The following TTC39B variants were observed in gnomAD, a reference collection of about 807,000 sequenced individuals.
The protein encoded by TTC39B is tetratricopeptide repeat protein 39B.
Under a neutral mutation model 96.6 loss-of-function variants are expected in TTC39B, and 92 were observed. That is an observed-to-expected ratio of 0.95 (90% CI 0.80 to 1.13). TTC39B has a LOEUF of 1.13. Ranked by LOEUF, TTC39B falls within the 50% of genes most tolerant of loss-of-function variation. The probability of loss-of-function intolerance (pLI) is 0.00; values close to 1 mark genes in which losing one functional copy is unlikely to be tolerated. For missense variants in TTC39B, 955 were observed against 809.3 expected, an observed-to-expected ratio of 1.18 and a Z score of -2.18; for synonymous variants, 367 against 299.4, an observed-to-expected ratio of 1.23 and a Z score of -2.33.
At chr9:15,297,396 C>T (rs1041075103) in intron 1 of TTC39B, among the ~76,000 whole-genome samples, 1 of 152,200 alleles carries the variant, frequency 6.6e-6, no homozygotes, top group Non-Finnish European at 1.5e-5. Context: ...TGCTCTAAGT[C>T]ACACAGCTAG....
intron 14 of TTC39B, 52 bp downstream of exon 14, chr9:15,187,919 C>A: frequency 1.3e-6 from 2 of 1,498,516 alleles, no homozygotes; most frequent in Admixed American, 2.2e-5. Context: ...TGAAAATCAT[C>A]CTGGCCATGT....
chr9:15,212,268 C>G (rs1820244481), intron 4 of TTC39B, among the ~76,000 whole-genome samples: 1 of 151,610 alleles, frequency 6.6e-6, no homozygotes, highest in South Asian at 2.1e-4. Flanking sequence ...TTGTCCTGAA[C>G]ATTGAGGGCA....
intron 1 of TTC39B, among the ~76,000 whole-genome samples, chr9:15,300,987 C>T (rs558418013): frequency 7.5e-4 from 112 of 148,892 alleles, no homozygotes; most frequent in Admixed American, 1.3e-3. Flanking sequence ...GACACAATGA[C>T]TCACGACCCA....
At chr9:15,215,918 G>A (rs373411520) in intron 3 of TTC39B, among the ~76,000 whole-genome samples, 1 of 152,232 alleles carries the variant, frequency 6.6e-6, no homozygotes, top group African/African-American at 2.4e-5. Flanking sequence ...AACTTGGTAA[G>A]TATTTGAAGT....
Position 15,245,030 on chromosome 9 carries a change from A to T in TTC39B, c.276-19018T>A, listed in dbSNP as rs374922704. ...GTTCTCTGGTTGGAGTTTACAACTC[A>T]TAGTATAATTATTGGTCTACTTTTC... On this transcript the variant is annotated intron_variant, in intron 2 of 19. Transcript: ENST00000512701. Among the ~76,000 whole-genome samples, 185 of 152,328 alleles carry T rather than the reference A, an allele frequency of 1.2e-3. 1 individual carries two copies. The highest frequency in any genetic ancestry group is 4.3e-3 in the African/African-American group (178 of 41,568).
At chr9:15,267,790 C>CTT in intron 2 of TTC39B, 124 bp downstream of exon 2, 3 of 749,812 alleles carry the variant, frequency 4.0e-6, no homozygotes, top group East Asian at 2.8e-5. Context: ...AGAAAAGTGA[C>CTT]TTTTTTTTTC....
chr9:15,224,106 C>G (rs907871736), intron 3 of TTC39B, among the ~76,000 whole-genome samples: 2 of 152,170 alleles, frequency 1.3e-5, no homozygotes, highest in African/African-American at 4.8e-5. Flanking sequence ...TTCTCCCACT[C>G]CTTCTATTCA....
At chr9:15,278,113 G>T (rs1033538807) in intron 1 of TTC39B, among the ~76,000 whole-genome samples, 9 of 152,184 alleles carry the variant, frequency 5.9e-5, no homozygotes, top group African/African-American at 2.2e-4. Context: ...TTAATTTATG[G>T]AGGTGGGAAA....
intron 1 of TTC39B, among the ~76,000 whole-genome samples, chr9:15,289,758 C>T (rs56194320): frequency 2.5e-4 from 38 of 152,284 alleles, no homozygotes; most frequent in African/African-American, 9.1e-4. Flanking sequence ...AGAAATGCAA[C>T]TGTTTTGCAT....
exon 13 of TTC39B, chr9:15,189,596 A>G (rs779056783): frequency 6.2e-7 from 1 of 1,614,188 alleles, no homozygotes. Flanking sequence ...CCCTTTCAGC[A>G]ACTCTATTCG....
chr9:15,237,169 G>C (rs1380380685), intron 2 of TTC39B, among the ~76,000 whole-genome samples: 1 of 152,160 alleles, frequency 6.6e-6, no homozygotes, highest in African/African-American at 2.4e-5. Flanking sequence ...ACAAAAATTA[G>C]CAGGGCATAG....
At chr9:15,227,171 G>A (rs943843924) in intron 2 of TTC39B, among the ~76,000 whole-genome samples, 18 of 152,018 alleles carry the variant, frequency 1.2e-4, no homozygotes, top group Admixed American at 6.5e-4. Flanking sequence ...GCCAGGTATC[G>A]TGGCGCATGC....
intron 17 of TTC39B, 56 bp from the exon 18 acceptor site, chr9:15,177,870 T>A: frequency 6.1e-4 from 115 of 188,766 alleles, no homozygotes; most frequent in Non-Finnish European, 9.2e-4. Flanking sequence ...TTTTAAGATC[T>A]TTTTTTTTTT....
chr9:15,203,342 C>A (rs1281837147), intron 7 of TTC39B, among the ~76,000 whole-genome samples: 1 of 152,142 alleles, frequency 6.6e-6, no homozygotes, highest in African/African-American at 2.4e-5. Flanking sequence ...TCTCCACCTC[C>A]CAGGTTCAAG....
chr9:15,287,976 A>T (rs1824040569), intron 1 of TTC39B, among the ~76,000 whole-genome samples: 1 of 151,854 alleles, frequency 6.6e-6, no homozygotes, highest in African/African-American at 2.4e-5. Flanking sequence ...AAAACATAAA[A>T]AAATGATTCT....
At chr9:15,230,762 A>G (rs1211657337) in intron 2 of TTC39B, among the ~76,000 whole-genome samples, 1 of 152,162 alleles carries the variant, frequency 6.6e-6, no homozygotes, top group Admixed American at 6.5e-5. Flanking sequence ...AGGAGGGCAG[A>G]TCACTTGAGG....
intron 8 of TTC39B, among the ~76,000 whole-genome samples, chr9:15,193,316 A>C (rs1209279627): frequency 6.6e-6 from 1 of 152,244 alleles, no homozygotes; most frequent in Non-Finnish European, 1.5e-5. Flanking sequence ...AAAGGCAAAT[A>C]TTTAACCAAA....
At chr9:15,177,708 A>G in exon 18 of TTC39B, 15 of 1,609,070 alleles carry the variant, frequency 9.3e-6, no homozygotes, top group Non-Finnish European at 1.3e-5. Context: ...TTTCCACAAC[A>G]TGATTGTAAC....
intron 1 of TTC39B, among the ~76,000 whole-genome samples, chr9:15,291,305 G>A (rs150309119): frequency 8.1e-4 from 123 of 152,272 alleles, no homozygotes; most frequent in African/African-American, 2.3e-3. Flanking sequence ...TGCTATTCTC[G>A]TGATGGTGAA....
Sources: allele counts gnomAD v4.1 joint callset (sites outside exome capture counted in the v4.1 genomes callset), GRCh38; gene constraint gnomAD v4.1.1; transcripts MANE v1.5; gene names NCBI Gene and HGNC (gene_info 2026-07-23, HGNC 2026-07-21).